The following KCNU1 variants were observed in gnomAD, a reference collection of about 807,000 sequenced individuals.
KCNU1 encodes potassium calcium-activated channel subfamily U member 1.
KCNU1 carries 93 observed loss-of-function variants against 126.8 expected under a neutral mutation model. The observed-to-expected ratio is 0.73, with a 90% CI of 0.62 to 0.87. The LOEUF (loss-of-function observed/expected upper bound fraction) is 0.87, where lower values mean the gene tolerates loss of function less well. Among genes scored for constraint, KCNU1 ranks in the 40% least tolerant of loss-of-function variants. The pLI, the probability that KCNU1 is intolerant of heterozygous loss-of-function variation, is 0.00. For synonymous variants in KCNU1, 523 were observed against 494.2 expected (o/e 1.06, Z -0.77); for missense variants, 1,330 against 1,367.1 (o/e 0.97, Z 0.43).
intron 7 of KCNU1, among the ~76,000 whole-genome samples, chr8:36,809,930 A>G (rs1803647840): frequency 6.6e-6 from 1 of 152,176 alleles, no homozygotes; most frequent in Admixed American, 6.5e-5. Flanking sequence ...TGAAGAGCTC[A>G]TATAAAAATC....
chr8:36,875,397 AAT>A (rs1356052276), intron 19 of KCNU1, among the ~76,000 whole-genome samples: 1 of 148,946 alleles, frequency 6.7e-6, no homozygotes, highest in Non-Finnish European at 1.5e-5. Flanking sequence ...ACAGATATAT[AAT>A]AGTGTTTTAT....
chr8:36,892,763 T>C (rs1241686361), intron 19 of KCNU1, among the ~76,000 whole-genome samples: 1 of 152,072 alleles, frequency 6.6e-6, no homozygotes, highest in African/African-American at 2.4e-5. Flanking sequence ...TTTGACACTT[T>C]AGCAGTTTAC....
chr8:36,828,329 C>T (rs1804400489), intron 10 of KCNU1, among the ~76,000 whole-genome samples: 1 of 152,036 alleles, frequency 6.6e-6, no homozygotes, highest in African/African-American at 2.4e-5. Flanking sequence ...ATGAACTCAC[C>T]ACCAAGGTCA....
rs141397042 is a variant in KCNU1, at chr8:36,793,100, A to T, written c.315+5675A>T. Among the ~76,000 whole-genome samples, 1,113 of 152,096 alleles carry T rather than the reference A, an allele frequency of 7.3e-3. 56 individuals are homozygous for T. Among genetic ancestry groups the T allele is most frequent in the Admixed American group, 0.061 (936 of 15,264 alleles). On this transcript the variant is annotated intron_variant, in intron 2 of 26. Transcript: ENST00000399881. ...ACCATAATTCTCAGCAAACTATCAC[A>T]AGGACAAAAAACCAAACATCGCATG...
intron 5 of KCNU1, among the ~76,000 whole-genome samples, chr8:36,806,624 A>T (rs1216242896): frequency 3.9e-5 from 6 of 152,198 alleles, no homozygotes; most frequent in African/African-American, 1.4e-4. Context: ...TTGTAATGTG[A>T]GAGGCAAGAC....
chr8:36,805,815 T>C (rs567157120), intron 4 of KCNU1, among the ~76,000 whole-genome samples: 3 of 152,312 alleles, frequency 2.0e-5, no homozygotes, highest in Non-Finnish European at 4.4e-5. Context: ...TACACATATA[T>C]GTATGTATAT....
At chr8:36,834,665 A>T in intron 11 of KCNU1, 121 bp from the exon 12 acceptor site, 1 of 622,494 alleles carries the variant, frequency 1.6e-6, no homozygotes, top group Admixed American at 2.8e-5. Context: ...ACTTATTCCC[A>T]AGTGTGTCCT....
chr8:36,787,630 C>T (rs999713703), intron 2 of KCNU1, among the ~76,000 whole-genome samples: 5 of 149,072 alleles, frequency 3.4e-5, no homozygotes, highest in African/African-American at 4.9e-5. Context: ...GGAATGAATA[C>T]GATTACTAAT....
At chr8:36,815,526 A>G in intron 8 of KCNU1, 70 bp from the exon 9 acceptor site, 2 of 747,990 alleles carry the variant, frequency 2.7e-6, no homozygotes, top group East Asian at 2.7e-5. Context: ...TTTCCTTTCT[A>G]ATCTTGAAAT....
chr8:36,873,285 T>C (rs550003121), intron 19 of KCNU1, among the ~76,000 whole-genome samples: 1 of 152,162 alleles, frequency 6.6e-6, no homozygotes, highest in African/African-American at 2.4e-5. Flanking sequence ...ACCCCTTTCT[T>C]TAAAGATATG....
At chr8:36,795,824 A>C (rs1367805405) in intron 2 of KCNU1, 1 of 152,128 alleles carries the variant, frequency 6.6e-6, no homozygotes, top group Non-Finnish European at 1.5e-5. Flanking sequence ...GCTTGGGGTA[A>C]TATTTGTTGT....
At chr8:36,932,496 C>T (rs1223352334) in intron 25 of KCNU1, among the ~76,000 whole-genome samples, 1 of 152,024 alleles carries the variant, frequency 6.6e-6, no homozygotes, top group Non-Finnish European at 1.5e-5. Flanking sequence ...AGAATAAGGT[C>T]CAGATGAGTA....
At chr8:36,798,858 C>T (rs1465824284) in intron 2 of KCNU1, among the ~76,000 whole-genome samples, 1 of 152,168 alleles carries the variant, frequency 6.6e-6, no homozygotes, top group East Asian at 1.9e-4. Flanking sequence ...ACCTTGGGCA[C>T]ATGTTCTCAG....
In KCNU1 at chr8:36,845,891, A is replaced by G. The variant is rs769635689; in HGVS notation, c.1883A>G (p.His628Arg). Residue 628 changes from histidine (H) to arginine (R), a missense_variant, in exon 18 of 27, where the codon CAC (histidine) becomes CGC (arginine). Coordinates refer to ENST00000399881, the MANE Select transcript of KCNU1 (RefSeq NM_001031836.3). ...NCGCKSRSRQHITVPSVKRMK... is the reference protein window; with the variant it reads ...NCGCKSRSRQRITVPSVKRMK... The stretch of plus-strand genomic sequence containing the variant: ...GGCTGCAAAAGCAGAAGCCGGCAGC[A>G]CATCACAGGTAATTGCACTTTATTT... The G allele has an allele frequency of 1.3e-6, 2 of 1,587,098 alleles. No homozygotes were observed. The highest frequency in any genetic ancestry group is 1.3e-5 in the African/African-American group (1 of 74,548).
At chr8:36,896,074 A>T (rs1165661733) in intron 19 of KCNU1, among the ~76,000 whole-genome samples, 1 of 151,468 alleles carries the variant, frequency 6.6e-6, no homozygotes, top group Non-Finnish European at 1.5e-5. Flanking sequence ...GAGAATATTA[A>T]CTATGAATGC....
At chr8:36,882,053 A>G (rs746946780) in intron 19 of KCNU1, among the ~76,000 whole-genome samples, 3 of 152,172 alleles carry the variant, frequency 2.0e-5, no homozygotes, top group African/African-American at 4.8e-5. Context: ...CGATTTGCAG[A>G]CAGTCATCTA....
chr8:36,848,871 T>C (rs1805243609), intron 18 of KCNU1, among the ~76,000 whole-genome samples: 1 of 152,182 alleles, frequency 6.6e-6, no homozygotes, highest in Non-Finnish European at 1.5e-5. Context: ...TGAAGCACTG[T>C]ATATATGTGT....
At chr8:36,800,244 T>C (rs1018237576) in intron 2 of KCNU1, among the ~76,000 whole-genome samples, 5 of 152,178 alleles carry the variant, frequency 3.3e-5, no homozygotes, top group Non-Finnish European at 7.3e-5. Flanking sequence ...TTTAGAGTAC[T>C]CCTGGTGCCC....
intron 19 of KCNU1, among the ~76,000 whole-genome samples, chr8:36,900,462 G>A (rs1432417427): frequency 1.3e-5 from 2 of 152,076 alleles, no homozygotes; most frequent in African/African-American, 2.4e-5. Context: ...ATTAGGCTCA[G>A]TTTTTAATAT....
Sources: gnomAD v4.1 joint callset for allele counts (sites outside exome capture counted in the v4.1 genomes callset) on GRCh38, gnomAD v4.1.1 for gene constraint, MANE v1.5 for transcripts, NCBI Gene and HGNC (gene_info 2026-07-23, HGNC 2026-07-21) for gene names.